The following RMDN2 variants were observed in gnomAD, a reference collection of about 807,000 sequenced individuals.
The protein encoded by RMDN2 is regulator of microtubule dynamics 2, also known as regulator of microtubule dynamics protein 2.
Under a neutral mutation model 52.8 loss-of-function variants are expected in RMDN2, and 61 were observed. The observed-to-expected ratio is 1.16, with a 90% CI of 0.94 to 1.43. The LOEUF (loss-of-function observed/expected upper bound fraction) is 1.43, where lower values mean the gene tolerates loss of function less well. RMDN2 is among the 40% of genes most tolerant of loss of function. The pLI, the probability that RMDN2 is intolerant of heterozygous loss-of-function variation, is 0.00. For missense variants in RMDN2, 592 were observed against 475.3 expected (o/e 1.25, Z -2.28); for synonymous variants, 180 against 153.1 (o/e 1.18, Z -1.30).
intron 2 of RMDN2, among the ~76,000 whole-genome samples, chr2:37,933,464 C>T (rs1375993897): frequency 1.3e-5 from 2 of 152,262 alleles, no homozygotes; most frequent in Non-Finnish European, 2.9e-5. Context: ...CACGCCACTG[C>T]ACCCCAGCCT....
At chr2:37,947,835 G>T (rs1668347782) in intron 2 of RMDN2, among the ~76,000 whole-genome samples, 1 of 152,130 alleles carries the variant, frequency 6.6e-6, no homozygotes, top group Non-Finnish European at 1.5e-5. Flanking sequence ...TTAGTTTGGG[G>T]CATGTTCTTT....
At chr2:38,057,189 A>T (rs1424463747) in intron 10 of RMDN2, among the ~76,000 whole-genome samples, 2 of 152,338 alleles carry the variant, frequency 1.3e-5, no homozygotes, top group South Asian at 2.1e-4. Flanking sequence ...GCAGACCAGG[A>T]TTGGCAAACT....
At chr2:38,066,609 C>G (rs1406964144) in intron 10 of RMDN2, among the ~76,000 whole-genome samples, 1 of 152,144 alleles carries the variant, frequency 6.6e-6, no homozygotes, top group African/African-American at 2.4e-5. Flanking sequence ...AAGAAACAAC[C>G]TCTGTGAGTT....
At chr2:37,943,700 C>T (rs1053023162) in intron 2 of RMDN2, among the ~76,000 whole-genome samples, 19 of 151,986 alleles carry the variant, frequency 1.3e-4, no homozygotes, top group East Asian at 3.8e-4. Flanking sequence ...TCCTTCATTG[C>T]GCTCCATTCT....
At chr2:37,993,808 A>T (rs1262854257) in intron 7 of RMDN2, among the ~76,000 whole-genome samples, 2 of 152,080 alleles carry the variant, frequency 1.3e-5, no homozygotes, top group African/African-American at 4.8e-5. Context: ...ATTCAGCACA[A>T]GCTTACAGCA....
chr2:37,978,181 G>A (rs893687848), intron 4 of RMDN2, among the ~76,000 whole-genome samples: 2 of 152,144 alleles, frequency 1.3e-5, no homozygotes, highest in Non-Finnish European at 2.9e-5. Context: ...CCAGTCAGGC[G>A]TGGTGATGCG....
intron 2 of RMDN2, among the ~76,000 whole-genome samples, chr2:37,932,754 T>G (rs1666895454): frequency 1.7e-5 from 2 of 119,774 alleles, no homozygotes; most frequent in East Asian, 6.0e-4. Flanking sequence ...CACTTCCCAG[T>G]AGGGGCGGCC....
chr2:37,997,123 AT>A (rs766293411), intron 7 of RMDN2, among the ~76,000 whole-genome samples: 50 of 152,100 alleles, frequency 3.3e-4, no homozygotes, highest in Non-Finnish European at 7.1e-4. Context: ...TTTTCCTCTG[AT>A]TTGACACAAA....
chr2:38,049,552 T>G (rs1449113993), intron 10 of RMDN2, among the ~76,000 whole-genome samples: 2 of 152,210 alleles, frequency 1.3e-5, no homozygotes, highest in Non-Finnish European at 2.9e-5. Context: ...CATGGTTCCA[T>G]GGTTTATACA....
chr2:38,043,732 A>T (rs915583577), intron 10 of RMDN2, among the ~76,000 whole-genome samples: 1 of 152,078 alleles, frequency 6.6e-6, no homozygotes, highest in Non-Finnish European at 1.5e-5. Context: ...TTCAAGTAAC[A>T]CTGTATCATT....
chr2:38,067,047 A>G, exon 11 of RMDN2: 1 of 1,578,114 alleles, frequency 6.3e-7, no homozygotes, highest in Non-Finnish European at 8.7e-7. Flanking sequence ...AGTGTGGCAC[A>G]GTGAAGGCCT....
chr2:38,065,188 T>A (rs940135383), intron 10 of RMDN2, among the ~76,000 whole-genome samples: 3 of 152,068 alleles, frequency 2.0e-5, no homozygotes, highest in Non-Finnish European at 4.4e-5. Context: ...TACACAGGGA[T>A]GGAGCTGAGA....
rs190114364 is a variant in RMDN2 at position 37,941,379 on chromosome 2, C to A, written c.452+11650C>A. On this transcript the variant is annotated intron_variant, in intron 2 of 10. Transcript: ENST00000354545. ...GTCAGGAGGCACAGGGGTCAGGGAC[C>A]CACTTGAGGAGGCAGTCTGTCCCTT... Among the ~76,000 whole-genome samples, 6 of 152,332 alleles carry A rather than the reference C, an allele frequency of 3.9e-5. No individual in the cohort carries two copies. The East Asian group carries it at 1.2e-3, about 29-fold the overall frequency.
At chr2:38,019,049 A>G (rs141983542), downstream of RMDN2, among the ~76,000 whole-genome samples, 277 of 152,326 alleles carry the variant, frequency 1.8e-3, no homozygotes, top group Non-Finnish European at 3.3e-3. Flanking sequence ...CAACTGGTCT[A>G]ATGTTGAAAC....
chr2:37,956,629 C>T (rs190723408), intron 2 of RMDN2, among the ~76,000 whole-genome samples: 35 of 151,708 alleles, frequency 2.3e-4, no homozygotes, highest in Admixed American at 9.2e-4. Flanking sequence ...GTTGTTGATT[C>T]GGGACATTAC....
intron 10 of RMDN2, among the ~76,000 whole-genome samples, chr2:38,013,918 A>G (rs1678357283): frequency 6.6e-6 from 1 of 152,216 alleles, no homozygotes; most frequent in African/African-American, 2.4e-5. Flanking sequence ...TAGAAAATTA[A>G]TAAGGCAGCC....
intron 2 of RMDN2, among the ~76,000 whole-genome samples, chr2:37,962,531 C>G (rs542503698): frequency 6.6e-6 from 1 of 152,232 alleles, no homozygotes; most frequent in East Asian, 1.9e-4. Context: ...TAATGGTGGA[C>G]GCCCCTCCCC....
At chr2:38,003,546 T>TGATAGATAGATAGATA (rs57530338) in intron 8 of RMDN2, among the ~76,000 whole-genome samples, 3,303 of 132,382 alleles carry the variant, frequency 0.025, 67 homozygotes, top group East Asian at 0.039. Flanking sequence ...AAGCAAGACC[T>TGATAGATAGATAGATA]GATAGATAGA....
At chr2:37,942,732 A>G (rs1056662221) in intron 2 of RMDN2, among the ~76,000 whole-genome samples, 5 of 152,230 alleles carry the variant, frequency 3.3e-5, no homozygotes, top group African/African-American at 1.2e-4. Flanking sequence ...CCTTTAAAAA[A>G]AGAAAAGTCA....
Sources: gnomAD v4.1 joint callset for allele counts (sites outside exome capture counted in the v4.1 genomes callset) on GRCh38, gnomAD v4.1.1 for gene constraint, MANE v1.5 for transcripts, NCBI Gene and HGNC (gene_info 2026-07-23, HGNC 2026-07-21) for gene names.